MACROD2: variants seen among roughly 807,000 people sequenced by gnomAD.
MACROD2 encodes the protein mono-ADP ribosylhydrolase 2.
In MACROD2, 36 loss-of-function variants were observed where a neutral mutation model predicts 70.4. The observed-to-expected ratio is 0.51, with a 90% CI of 0.39 to 0.68. The LOEUF (loss-of-function observed/expected upper bound fraction) is 0.68. MACROD2 is among the 30% of genes least tolerant of loss of function. The pLI is 0.00. For missense variants in MACROD2, 496 were observed against 538.4 expected (o/e 0.92, Z 0.78); for synonymous variants, 172 against 178.8 (o/e 0.96, Z 0.30).
rs189887531 is a variant in MACROD2 at position 15,248,608 on chromosome 20, A to G, written c.540+18547A>G. Among the ~76,000 whole-genome samples, 14 of 152,194 alleles carry G rather than the reference A, an allele frequency of 9.2e-5. No homozygotes were observed. In the East Asian group the frequency reaches 2.5e-3, roughly 27 times the overall value. ...TAAGACCTCTGTCTTGATCTCCATTACTGAATATCCAACTACCTGGTGGAA... is the reference window on the plus strand; with the variant it reads ...TAAGACCTCTGTCTTGATCTCCATTGCTGAATATCCAACTACCTGGTGGAA... On this transcript the variant is annotated intron_variant, in intron 6 of 17. Coordinates refer to ENST00000684519, the MANE Select transcript of MACROD2 (RefSeq NM_001351661.2).
intron 10 of MACROD2, among the ~76,000 whole-genome samples, chr20:15,896,574 A>G (rs925924198): frequency 2.0e-5 from 3 of 150,834 alleles, no homozygotes; most frequent in Non-Finnish European, 2.9e-5. Flanking sequence ...AGCTTCTGTA[A>G]TCTTTTCTCT....
intron 8 of MACROD2, among the ~76,000 whole-genome samples, chr20:15,752,512 C>A (rs965267510): frequency 6.6e-6 from 1 of 152,062 alleles, no homozygotes; most frequent in African/African-American, 2.4e-5. Flanking sequence ...TATGAGCAGT[C>A]CAATTACAGA....
intron 8 of MACROD2, among the ~76,000 whole-genome samples, chr20:15,580,272 G>A (rs923421733): frequency 3.3e-5 from 5 of 152,130 alleles, no homozygotes; most frequent in African/African-American, 1.2e-4. Flanking sequence ...TGACAATTTG[G>A]AGTCATTCTT....
At chr20:15,166,907 A>G (rs1285484892) in intron 5 of MACROD2, among the ~76,000 whole-genome samples, 1 of 150,314 alleles carries the variant, frequency 6.7e-6, no homozygotes, top group Non-Finnish European at 1.5e-5. Context: ...TATTAATTTA[A>G]GTATTTAATT....
chr20:15,937,562 ATATC>A lies in MACROD2; in HGVS notation c.907+21_907+24del. ...AGATGAAGGTATGAGGCTACTAACT[ATATC>A]TAATAATTGCAGACTCTTAAAAGAG... On this transcript the variant is annotated intron_variant, in intron 12 of 17. Coordinates refer to ENST00000684519, the MANE Select transcript of MACROD2 (RefSeq NM_001351661.2). 2 of 1,606,056 alleles carry A rather than the reference ATATC, an allele frequency of 1.2e-6. No individual in the cohort carries two copies. Among genetic ancestry groups the A allele is most frequent in the Non-Finnish European group, 1.7e-6 (2 of 1,173,028 alleles).
In MACROD2 at chr20:15,771,913, A is replaced by G. The variant is rs534095702; in HGVS notation, c.646-90832A>G. 7.2e-3 allele frequency among the ~76,000 whole-genome samples: 1,087 copies of G among 151,104 alleles called. 17 individuals carry two copies. The highest frequency in any genetic ancestry group is 0.025 in the African/African-American group (1,037 of 41,234). On this transcript the variant is annotated intron_variant, in intron 8 of 17. Transcript: ENST00000684519. ...TCCTTGGCTAACACGGTGAAACCCCATCTCTACTAAAAATACAAACAATTA... is the reference window on the plus strand; with the variant it reads ...TCCTTGGCTAACACGGTGAAACCCCGTCTCTACTAAAAATACAAACAATTA...
At chr20:14,614,074 T>G (rs1983327833) in intron 4 of MACROD2, among the ~76,000 whole-genome samples, 1 of 152,128 alleles carries the variant, frequency 6.6e-6, no homozygotes. Flanking sequence ...TTACTTTTCA[T>G]GCTGTCTCCA....
chr20:15,512,729 G>A (rs1313799425), intron 8 of MACROD2, among the ~76,000 whole-genome samples: 1 of 152,170 alleles, frequency 6.6e-6, no homozygotes, highest in African/African-American at 2.4e-5. Context: ...GGAGATACGT[G>A]CCACCCACGG....
At chr20:15,129,499 A>C (rs1187738445) in intron 5 of MACROD2, among the ~76,000 whole-genome samples, 1 of 152,116 alleles carries the variant, frequency 6.6e-6, no homozygotes, top group Non-Finnish European at 1.5e-5. Context: ...ATTGTATCCA[A>C]CTTTTCTATC....
At chr20:15,984,353 C>T (rs111466538) in intron 13 of MACROD2, among the ~76,000 whole-genome samples, 16,940 of 151,922 alleles carry the variant, frequency 0.11, 1,060 homozygotes, top group African/African-American at 0.13. Context: ...TTTTATGTCC[C>T]TTTATAATTT....
chr20:15,011,854 C>A (rs2075084937), intron 5 of MACROD2, among the ~76,000 whole-genome samples: 1 of 152,178 alleles, frequency 6.6e-6, no homozygotes, highest in African/African-American at 2.4e-5. Flanking sequence ...GCCTTTCCAA[C>A]TCTGGCCTCT....
chr20:14,080,440 C>T (rs1179609944), intron 2 of MACROD2, among the ~76,000 whole-genome samples: 1 of 5,084 alleles, frequency 2.0e-4, no homozygotes, highest in Non-Finnish European at 5.0e-4. Flanking sequence ...GAAACCCCGT[C>T]TCAAAAAAAA....
chr20:14,492,004 T>G (rs759430030), intron 3 of MACROD2, among the ~76,000 whole-genome samples: 33 of 152,180 alleles, frequency 2.2e-4, no homozygotes, highest in Admixed American at 2.0e-3. Flanking sequence ...CATGGGTTCA[T>G]CATGAAATTT....
At position 14,447,976 on chromosome 20, in the gene MACROD2, A is replaced by ATGTGTGTGTGTGTGTG. The variant is rs11087090; in HGVS notation, c.272-45487_272-45472dup. ...GAAGAGCACTTGAGAACCCATGAAA[A>ATGTGTGTGTGTGTGTG]TGTGTGTGTGTGTGTGTGTGTGTGT... On this transcript the variant is annotated intron_variant, in intron 3 of 17. Transcript: ENST00000684519. 2.0e-3 allele frequency among the ~76,000 whole-genome samples: 287 copies of ATGTGTGTGTGTGTGTG among 143,250 alleles called. 2 individuals carry two copies. Among genetic ancestry groups the ATGTGTGTGTGTGTGTG allele is most frequent in the Middle Eastern group, 3.5e-3 (1 of 284 alleles). 94.0% of individuals were successfully genotyped at this position (143,250 alleles called of 152,430 possible). A position where few individuals can be genotyped will look rare whatever the true frequency, so the allele number is the denominator to read the frequency against.
intron 3 of MACROD2, among the ~76,000 whole-genome samples, chr20:14,396,532 T>C (rs997829790): frequency 2.0e-5 from 3 of 152,184 alleles, no homozygotes; most frequent in African/African-American, 7.2e-5. Context: ...CTTGTATTAG[T>C]GTTAGTATGG....
At chr20:14,746,085 T>C (rs1476223783) in intron 5 of MACROD2, among the ~76,000 whole-genome samples, 2 of 152,120 alleles carry the variant, frequency 1.3e-5, no homozygotes, top group African/African-American at 4.8e-5. Context: ...AGGTGATATT[T>C]ATTTCCATGG....
intron 10 of MACROD2, among the ~76,000 whole-genome samples, chr20:15,927,257 C>T (rs2065504524): frequency 6.6e-6 from 1 of 151,984 alleles, no homozygotes; most frequent in Non-Finnish European, 1.5e-5. Flanking sequence ...CTCCTAATCC[C>T]TTGACATGTG....
chr20:15,240,884 G>T (rs949745869), intron 6 of MACROD2, among the ~76,000 whole-genome samples: 6 of 152,194 alleles, frequency 3.9e-5, no homozygotes, highest in African/African-American at 1.2e-4. Context: ...AAGACAGGAA[G>T]AGAGCCCTCA....
chr20:14,009,633 T>C (rs770560329), intron 2 of MACROD2, among the ~76,000 whole-genome samples: 4 of 152,164 alleles, frequency 2.6e-5, no homozygotes, highest in Non-Finnish European at 4.4e-5. Flanking sequence ...CCCAAATGAA[T>C]ATAAATCATT....
Sources: gnomAD v4.1 joint callset for allele counts (sites outside exome capture counted in the v4.1 genomes callset) on GRCh38, gnomAD v4.1.1 for gene constraint, MANE v1.5 for transcripts, NCBI Gene and HGNC (gene_info 2026-07-23, HGNC 2026-07-21) for gene names.